The following MEGF10 variants were observed in gnomAD, a reference collection of about 807,000 sequenced individuals.
The protein encoded by MEGF10 is multiple epidermal growth factor-like domains protein 10.
A neutral mutation model predicts 147.5 loss-of-function variants in MEGF10; 86 were observed. The ratio of observed to expected loss-of-function variants is 0.58; its 90% confidence interval spans 0.49 to 0.70. The LOEUF is 0.70. Among genes scored for constraint, MEGF10 ranks in the 30% least tolerant of loss-of-function variants. The pLI, the probability that MEGF10 is intolerant of heterozygous loss-of-function variation, is 0.00. For missense variants in MEGF10, 1,329 were observed against 1,487.3 expected (o/e 0.89, Z 1.75); for synonymous variants, 478 against 525.5 (o/e 0.91, Z 1.24).
At position 127,402,489 on chromosome 5, in the gene MEGF10, C is replaced by CAGTTGTCTT. The variant is rs1764170205; in HGVS notation, c.781-56_781-48dup. The CAGTTGTCTT allele has an allele frequency of 3.2e-6, 5 of 1,568,492 alleles. No individual in the cohort carries two copies. In the East Asian group the frequency reaches 1.1e-4, roughly 36 times the overall value. ...TTCCTCTCTTTTCTTCTTCATCCAT[C>CAGTTGTCTT]AGTTGTCTTTCCCTGGCTGGAGGCC... On this transcript the variant is annotated intron_variant, in intron 7 of 24. Transcript: ENST00000503335.
At chr5:127,454,513 GTTTTTCTTCCT>G in intron 22 of MEGF10, 42 bp from the exon 23 acceptor site, 1 of 1,540,602 alleles carries the variant, frequency 6.5e-7, no homozygotes, top group Admixed American at 2.0e-5. Flanking sequence ...ATTGGATGGG[GTTTTTCTTCCT>G]TTCAGTTCTC....
In MEGF10 at chr5:127,438,430, T is replaced by C. The variant is rs746422054; in HGVS notation, c.2105-9T>C. 1.2e-6 allele frequency: 2 copies of C among 1,613,670 alleles called. No homozygotes were observed. Among genetic ancestry groups the C allele is most frequent in the Non-Finnish European group, 1.7e-6 (2 of 1,179,736 alleles). Reference sequence around the variant, plus strand: ...ACTCTGATGGACTTCTCCATACCTGTAATTTCAGCATGTCCACCTGCCCAC... The same window carrying C: ...ACTCTGATGGACTTCTCCATACCTGCAATTTCAGCATGTCCACCTGCCCAC... On this transcript the variant is annotated splice_polypyrimidine_tract_variant and intron_variant, in intron 16 of 24. Transcript: ENST00000503335.
At chr5:127,411,910 C>T (rs1055175354) in intron 9 of MEGF10, among the ~76,000 whole-genome samples, 8 of 152,102 alleles carry the variant, frequency 5.3e-5, no homozygotes, top group Non-Finnish European at 1.2e-4. Flanking sequence ...TGTGCTGTTC[C>T]GTTGTACATA....
At chr5:127,344,312 C>T (rs748789434) in intron 4 of MEGF10, among the ~76,000 whole-genome samples, 1 of 152,132 alleles carries the variant, frequency 6.6e-6, no homozygotes, top group Non-Finnish European at 1.5e-5. Context: ...GTGCTTACTA[C>T]ATACCAGGTA....
At chr5:127,427,473 T>C (rs1198826562) in intron 13 of MEGF10, among the ~76,000 whole-genome samples, 1 of 151,626 alleles carries the variant, frequency 6.6e-6, no homozygotes, top group Non-Finnish European at 1.5e-5. Context: ...GGTAGGAGAA[T>C]AAGAGGAGAG....
chr5:127,381,398 C>G (rs1282977666), intron 5 of MEGF10, among the ~76,000 whole-genome samples: 2 of 152,166 alleles, frequency 1.3e-5, no homozygotes, highest in African/African-American at 4.8e-5. Context: ...TTTATAATTT[C>G]TTTCATATAA....
chr5:127,445,493 G>T lies in MEGF10; in HGVS notation c.2528G>T (p.Ser843Ile), dbSNP rs1348933506. The T allele has an allele frequency of 6.2e-7, 1 of 1,614,124 alleles. No individual in the cohort carries two copies. Among genetic ancestry groups the T allele is most frequent in the Non-Finnish European group, 8.5e-7 (1 of 1,180,012 alleles). ...ATAGTTGGAAATCTGAACAGCTTAA[G>T]CCGAACCAGTACTGCTCTCCCTGCT... ...VIIVGNLNSL[S>I]RTSTALPADS... The change falls in exon 20 of 25, where the codon AGC becomes ATC. Residue 843 changes from serine (S) to isoleucine (I), a missense_variant. Ser to Ile is a moderately radical substitution (Grantham distance 142, BLOSUM62 -2). Around this residue, in one of 3 missense-constraint regions of MEGF10, gnomAD observed 343 missense variants for 377.9 expected, o/e 0.91. Coordinates refer to ENST00000503335, the MANE Select transcript of MEGF10 (RefSeq NM_001256545.2).
the MEGF10 span, among the ~76,000 whole-genome samples, chr5:127,270,713 C>A: frequency 3.3e-4 from 51 of 152,286 alleles, no homozygotes; most frequent in African/African-American, 1.2e-3. Context: ...GATCCTCTTC[C>A]TCCTCCCACC....
chr5:127,380,067 G>T (rs1404385274), intron 5 of MEGF10, among the ~76,000 whole-genome samples: 13 of 147,496 alleles, frequency 8.8e-5, no homozygotes, highest in Admixed American at 2.7e-4. Context: ...TTGTTAACTT[G>T]TTTTTTTTTT....
chr5:127,308,755 C>A (rs1760128160), intron 1 of MEGF10, among the ~76,000 whole-genome samples: 2 of 151,708 alleles, frequency 1.3e-5, no homozygotes, highest in Admixed American at 6.6e-5. Context: ...GGAGATATAC[C>A]TAATGTTAAA....
At chr5:127,299,718 A>G (rs1189845036) in intron 1 of MEGF10, among the ~76,000 whole-genome samples, 1 of 149,862 alleles carries the variant, frequency 6.7e-6, no homozygotes, top group African/African-American at 2.5e-5. Context: ...GGATACTTGT[A>G]GGTGGCTTTT....
At chr5:127,301,805 AC>A (rs1403869524) in intron 1 of MEGF10, among the ~76,000 whole-genome samples, 1 of 152,240 alleles carries the variant, frequency 6.6e-6, no homozygotes, top group Non-Finnish European at 1.5e-5. Context: ...ATTATTTAAC[AC>A]CAAGTAATGT....
chr5:127,445,083 A>G (rs1192215387), intron 19 of MEGF10, among the ~76,000 whole-genome samples: 2 of 152,212 alleles, frequency 1.3e-5, no homozygotes, highest in African/African-American at 4.8e-5. Flanking sequence ...CTTTGGGTTC[A>G]GAAAATCCTG....
intron 8 of MEGF10, among the ~76,000 whole-genome samples, chr5:127,405,168 T>A (rs1051030046): frequency 2.6e-5 from 4 of 152,216 alleles, no homozygotes; most frequent in Admixed American, 6.5e-5. Flanking sequence ...ATTATCAGTT[T>A]GAGTGCTGTT....
intron 9 of MEGF10, among the ~76,000 whole-genome samples, chr5:127,411,398 C>A (rs574348116): frequency 2.0e-5 from 3 of 152,328 alleles, no homozygotes; most frequent in East Asian, 1.9e-4. Flanking sequence ...ACTTTATTTG[C>A]ATTCAGCACA....
Position 127,290,817 on chromosome 5 carries a change from A to G in MEGF10, c.-258A>G, listed in dbSNP as rs1474439393. 1 of 152,144 alleles carries G rather than the reference A, an allele frequency of 6.6e-6. No homozygotes were observed. Among genetic ancestry groups the G allele is most frequent in the African/African-American group, 2.4e-5 (1 of 41,412 alleles). The allele number at this position is 152,144 out of a possible 1,614,324, so 9.4% of individuals were successfully genotyped here. On this transcript the variant is annotated 5_prime_UTR_variant, in exon 1 of 25. Coordinates refer to ENST00000503335, the MANE Select transcript of MEGF10 (RefSeq NM_001256545.2). ...GGCCAGACAGAGAAAACCTTGTTCA[A>G]GTTTGCAGCAAGTACTTTCCCGGTG...
intron 5 of MEGF10, 127 bp from the exon 6 acceptor site, chr5:127,396,405 G>A: frequency 8.9e-7 from 1 of 1,129,098 alleles, no homozygotes; most frequent in Non-Finnish European, 1.2e-6. Flanking sequence ...CCATGGGTTG[G>A]GGCCAGGGCC....
In MEGF10 at chr5:127,433,411, G is replaced by T. The variant is rs1384735890; in HGVS notation, c.1742G>T (p.Cys581Phe). ...GCTGAGGGACGCTGGGGCCCCAACTGCTCCCTGCCCTGCTACTGTAAAAAT... is the reference window on the plus strand; with the variant it reads ...GCTGAGGGACGCTGGGGCCCCAACTTCTCCCTGCCCTGCTACTGTAAAAAT... ...VCAEGRWGPN[C>F]SLPCYCKNGA... Residue 581 changes from cysteine (C) to phenylalanine (F), a missense_variant, in exon 14 of 25, where the codon TGC becomes TTC. Cys to Phe is a radical substitution (Grantham distance 205). Transcript: ENST00000503335. 3 of 1,614,128 alleles carry T rather than the reference G, an allele frequency of 1.9e-6. No homozygotes were observed. The highest frequency in any genetic ancestry group is 1.7e-6 in the Non-Finnish European group (2 of 1,180,012).
the MEGF10 span, among the ~76,000 whole-genome samples, chr5:127,267,135 A>C: frequency 0.05 from 7,640 of 152,168 alleles, 322 homozygotes; most frequent in African/African-American, 0.11. Context: ...ACATGAAGGG[A>C]TGTTGAATTT....
Sources: gnomAD v4.1 joint callset for allele counts (sites outside exome capture counted in the v4.1 genomes callset) on GRCh38, gnomAD v4.1.1 for gene constraint, gnomAD v4.1.1 regional missense constraint, MANE v1.5 for transcripts, NCBI Gene and HGNC (gene_info 2026-07-23, HGNC 2026-07-21) for gene names.